EXT1: variants seen among roughly 807,000 people sequenced by gnomAD.
EXT1 encodes exostosin glycosyltransferase 1.
Under a neutral mutation model 82.5 loss-of-function variants are expected in EXT1, and 20 were observed. The ratio of observed to expected loss-of-function variants is 0.24; its 90% CI spans 0.17 to 0.35. The LOEUF (loss-of-function observed/expected upper bound fraction) is 0.35, where lower values mean the gene tolerates loss of function less well. EXT1 is among the 10% of genes least tolerant of loss of function. The pLI, the probability that EXT1 is intolerant of heterozygous loss-of-function variation, is 1.00. For synonymous variants in EXT1, 348 were observed against 350.8 expected (o/e 0.99, Z 0.09); for missense variants, 757 against 936.5 (o/e 0.81, Z 2.50).
intron 1 of EXT1, among the ~76,000 whole-genome samples, chr8:118,081,832 C>T (rs997457639): frequency 1.3e-5 from 2 of 152,212 alleles, no homozygotes; most frequent in Non-Finnish European, 2.9e-5. Context: ...CGGGGAATTA[C>T]AACTGCTCCA....
chr8:117,855,495 T>C (rs1319854480), intron 1 of EXT1, among the ~76,000 whole-genome samples: 2 of 152,198 alleles, frequency 1.3e-5, no homozygotes, highest in East Asian at 1.9e-4. Flanking sequence ...CATATTAAGA[T>C]GGTGAACTTG....
At chr8:117,843,366 T>C (rs767965703) in intron 1 of EXT1, among the ~76,000 whole-genome samples, 1 of 152,106 alleles carries the variant, frequency 6.6e-6, no homozygotes, top group Non-Finnish European at 1.5e-5. Flanking sequence ...AGGTGGGTGT[T>C]ATACAGAGAA....
intron 1 of EXT1, among the ~76,000 whole-genome samples, chr8:117,949,859 T>C (rs757335184): frequency 3.3e-5 from 5 of 152,196 alleles, no homozygotes; most frequent in Non-Finnish European, 7.3e-5. Flanking sequence ...CAAATGACAT[T>C]ATGCCCATTT....
intron 1 of EXT1, among the ~76,000 whole-genome samples, chr8:117,946,324 T>C (rs1257774344): frequency 6.6e-6 from 1 of 152,236 alleles, no homozygotes; most frequent in East Asian, 1.9e-4. Flanking sequence ...AACTCAGTTT[T>C]CCCCTTGGCA....
intron 1 of EXT1, among the ~76,000 whole-genome samples, chr8:117,920,621 G>T (rs1024345761): frequency 6.6e-6 from 1 of 152,172 alleles, no homozygotes; most frequent in Non-Finnish European, 1.5e-5. Context: ...ACTAGTTATT[G>T]CAATCAGTGT....
intron 1 of EXT1, among the ~76,000 whole-genome samples, chr8:118,027,313 T>TCACACACA (rs71307421): frequency 2.1e-4 from 30 of 145,520 alleles, no homozygotes; most frequent in South Asian, 4.4e-4. Flanking sequence ...TCAGTTTCTT[T>TCACACACA]CACACACACA....
chr8:117,996,129 T>C (rs1197268613), intron 1 of EXT1, among the ~76,000 whole-genome samples: 1 of 152,130 alleles, frequency 6.6e-6, no homozygotes, highest in East Asian at 1.9e-4. Flanking sequence ...CTACTTCCCT[T>C]GGTTCCTTCT....
At chr8:117,909,751 A>T (rs1341854229) in intron 1 of EXT1, among the ~76,000 whole-genome samples, 1 of 148,894 alleles carries the variant, frequency 6.7e-6, no homozygotes, top group African/African-American at 2.5e-5. Flanking sequence ...GCTGCAGAAA[A>T]GGTTGTAAAT....
chr8:117,889,185 G>A (rs1813200195), intron 1 of EXT1, among the ~76,000 whole-genome samples: 1 of 152,158 alleles, frequency 6.6e-6, no homozygotes, highest in East Asian at 1.9e-4. Flanking sequence ...AAAGCAGAAG[G>A]AGCCTGGGTC....
chr8:117,874,078 G>A (rs1812923748), intron 1 of EXT1, among the ~76,000 whole-genome samples: 1 of 152,138 alleles, frequency 6.6e-6, no homozygotes, highest in Non-Finnish European at 1.5e-5. Flanking sequence ...CAGCTGGTGA[G>A]TAAATTTGGG....
At chr8:117,813,586 A>G (rs1823370203) in intron 7 of EXT1, among the ~76,000 whole-genome samples, 1 of 152,248 alleles carries the variant, frequency 6.6e-6, no homozygotes, top group South Asian at 2.1e-4. Flanking sequence ...ACAAACATTT[A>G]CAAATTAAAA....
intron 4 of EXT1, 70 bp from the exon 5 acceptor site, chr8:117,822,667 C>A: frequency 6.3e-7 from 1 of 1,582,950 alleles, no homozygotes; most frequent in Admixed American, 1.7e-5. Context: ...GATGCTCAAT[C>A]CAAATTCGAA....
chr8:117,837,002 A>C, intron 2 of EXT1, 106 bp downstream of exon 2: 1 of 819,928 alleles, frequency 1.2e-6, no homozygotes. Context: ...CCTCAAGGGA[A>C]ACCACACCTT....
intron 1 of EXT1, among the ~76,000 whole-genome samples, chr8:117,859,681 T>C (rs1425193034): frequency 6.6e-6 from 1 of 152,272 alleles, no homozygotes; most frequent in Non-Finnish European, 1.5e-5. Flanking sequence ...GTCTATTTTG[T>C]TACTTTGGAA....
At chr8:117,869,442 A>G (rs1467482693) in intron 1 of EXT1, among the ~76,000 whole-genome samples, 2 of 152,192 alleles carry the variant, frequency 1.3e-5, no homozygotes, top group Non-Finnish European at 2.9e-5. Context: ...TTCTGGTCTC[A>G]AGTGCATGAT....
chr8:117,956,844 AAAG>A (rs1254215334), intron 1 of EXT1, among the ~76,000 whole-genome samples: 1 of 152,304 alleles, frequency 6.6e-6, no homozygotes, highest in African/African-American at 2.4e-5. Context: ...GAGGAGAGAG[AAAG>A]AAGGAGGTTC....
intron 1 of EXT1, among the ~76,000 whole-genome samples, chr8:118,099,278 G>A (rs944943062): frequency 9.2e-5 from 14 of 152,132 alleles, no homozygotes; most frequent in African/African-American, 3.4e-4. Context: ...CTTCTTCTGG[G>A]CATTACATTT....
At chr8:117,910,545 A>C (rs1250101957) in intron 1 of EXT1, among the ~76,000 whole-genome samples, 1 of 152,228 alleles carries the variant, frequency 6.6e-6, no homozygotes, top group Non-Finnish European at 1.5e-5. Flanking sequence ...GATACACTGA[A>C]TTACTGCGAC....
intron 3 of EXT1, among the ~76,000 whole-genome samples, chr8:117,834,895 C>CTG (rs148996281): frequency 0.09 from 13,701 of 152,056 alleles, 783 homozygotes; most frequent in African/African-American, 0.16. Flanking sequence ...TCAGATTTTT[C>CTG]TGAGTATCGT....
Sources: allele counts gnomAD v4.1 joint callset (sites outside exome capture counted in the v4.1 genomes callset), GRCh38; gene constraint gnomAD v4.1.1; transcripts MANE v1.5; gene names NCBI Gene and HGNC (gene_info 2026-07-23, HGNC 2026-07-21).